GNA14: variants seen among roughly 807,000 people sequenced by gnomAD.
The protein encoded by GNA14 is G protein subunit alpha 14.
GNA14 carries 50 observed loss-of-function variants against 42.0 expected under a neutral mutation model. The observed-to-expected ratio is 1.19, with a 90% confidence interval of 0.95 to 1.51. The LOEUF is 1.51. Among genes scored for constraint, GNA14 ranks in the 40% most tolerant of loss-of-function variants. The pLI is 0.00. For synonymous variants in GNA14, 173 were observed against 163.1 expected (o/e 1.06, Z -0.46); for missense variants, 473 against 446.2 (o/e 1.06, Z -0.54).
Position 77,423,997 on chromosome 9 carries a change from C to A in GNA14, c.1050G>T (p.Arg350Ser). ...GCAGCTTTTAGACAAGGTTGAATTC[C>A]CTTAGGTTTAGCTGTAGAATTGTGT... ...VKDTILQLNL[R>S]EFNLV The change falls in exon 7 of 7, where the codon AGG becomes AGT. Residue 350 changes from arginine (R) to serine (S), a missense_variant. Coordinates refer to ENST00000341700, the MANE Select transcript of GNA14 (RefSeq NM_004297.4). The A allele has an allele frequency of 6.2e-7, 1 of 1,601,340 alleles. No individual in the cohort carries two copies. Among genetic ancestry groups the A allele is most frequent in the Non-Finnish European group, 8.5e-7 (1 of 1,172,832 alleles).
intron 1 of GNA14, chr9:77,580,640 C>G (rs547621378): frequency 7.5e-5 from 29 of 387,908 alleles, no homozygotes; most frequent in African/African-American, 5.8e-4. Context: ...CTCCTCTCAG[C>G]CAGGCACTCA....
chr9:77,505,133 C>T (rs1041797288), intron 2 of GNA14, among the ~76,000 whole-genome samples: 1 of 151,978 alleles, frequency 6.6e-6, no homozygotes, highest in Admixed American at 6.6e-5. Context: ...GTAAGTCTGG[C>T]CAAGGATACA....
chr9:77,558,929 C>CG (rs1822834006), intron 1 of GNA14, among the ~76,000 whole-genome samples: 1 of 144,846 alleles, frequency 6.9e-6, no homozygotes, highest in Admixed American at 6.9e-5. Flanking sequence ...AAACAAAAAA[C>CG]AAAAAAAAAA....
In GNA14 at chr9:77,518,305, T is replaced by G. The variant is rs575490673; in HGVS notation, c.309+10764A>C. Among the ~76,000 whole-genome samples the G allele has an allele frequency of 1.2e-4, 18 of 152,292 alleles. No homozygotes were observed. In the East Asian group the frequency reaches 3.3e-3, roughly 28 times the overall value. ...CTAACTTGACCTTTGGAAGAAAAAC[T>G]TTCTCATTTGGAGTAATTACTAACA... On this transcript the variant is annotated intron_variant, in intron 2 of 6. Transcript: ENST00000341700.
chr9:77,448,791 G>A (rs749344928), intron 2 of GNA14, among the ~76,000 whole-genome samples: 8 of 152,160 alleles, frequency 5.3e-5, no homozygotes, highest in South Asian at 2.1e-4. Context: ...CAAACTTCTA[G>A]TCTTTTTAAG....
chr9:77,460,585 C>T (rs569686329), intron 2 of GNA14, among the ~76,000 whole-genome samples: 4 of 152,156 alleles, frequency 2.6e-5, no homozygotes, highest in Non-Finnish European at 5.9e-5. Flanking sequence ...GCTGGGAGGG[C>T]GTCTGCAAGC....
intron 1 of GNA14, among the ~76,000 whole-genome samples, chr9:77,583,443 C>G (rs1823257522): frequency 6.6e-6 from 1 of 152,210 alleles, no homozygotes; most frequent in African/African-American, 2.4e-5. Flanking sequence ...AAGGATTTCT[C>G]TGGAAGTTCA....
chr9:77,589,221 C>A (rs1039169907), intron 1 of GNA14, among the ~76,000 whole-genome samples: 2 of 152,178 alleles, frequency 1.3e-5, no homozygotes, highest in Admixed American at 1.3e-4. Flanking sequence ...GAAATAAATG[C>A]TCACTTGCAG....
chr9:77,632,746 C>A (rs1342247199), intron 1 of GNA14, among the ~76,000 whole-genome samples: 1 of 152,170 alleles, frequency 6.6e-6, no homozygotes, highest in African/African-American at 2.4e-5. Flanking sequence ...TTTGCTGGCA[C>A]CTGGAGCTGC....
Position 77,608,502 on chromosome 9 carries a change from T to C in GNA14, c.124+39168A>G, listed in dbSNP as rs146654012. 3.3e-3 allele frequency among the ~76,000 whole-genome samples: 508 copies of C among 152,216 alleles called. 4 individuals are homozygous for C. The highest frequency in any genetic ancestry group is 0.012 in the African/African-American group (490 of 41,532). ...CCCCATGTGATTCTCTAAGGGAGAA[T>C]GAAGTCATGGGCAGAGGCATCCTGG... is the stretch of plus-strand genomic sequence containing the variant. On this transcript the variant is annotated intron_variant, in intron 1 of 6. Coordinates refer to ENST00000341700, the MANE Select transcript of GNA14 (RefSeq NM_004297.4).
chr9:77,442,684 G>A (rs983474110), intron 2 of GNA14, among the ~76,000 whole-genome samples: 7 of 152,184 alleles, frequency 4.6e-5, no homozygotes, highest in Middle Eastern at 3.2e-3. Flanking sequence ...GACAATCTCA[G>A]ATATCAAGTA....
At chr9:77,445,019 G>A (rs1453404177) in intron 2 of GNA14, among the ~76,000 whole-genome samples, 1 of 152,186 alleles carries the variant, frequency 6.6e-6, no homozygotes, top group Admixed American at 6.5e-5. Context: ...AATGACAACA[G>A]AGCCCCACAC....
chr9:77,477,577 C>T (rs1587786570), intron 2 of GNA14, among the ~76,000 whole-genome samples: 1 of 152,164 alleles, frequency 6.6e-6, no homozygotes, highest in Admixed American at 6.5e-5. Context: ...TAGCACAGAA[C>T]TTCCTATCCT....
At chr9:77,608,413 A>C (rs1823672551) in intron 1 of GNA14, among the ~76,000 whole-genome samples, 1 of 152,116 alleles carries the variant, frequency 6.6e-6, no homozygotes, top group Non-Finnish European at 1.5e-5. Context: ...GAGACTTTGG[A>C]GTTAAATCTG....
intron 1 of GNA14, among the ~76,000 whole-genome samples, chr9:77,629,192 C>A (rs949358439): frequency 2.6e-5 from 4 of 152,148 alleles, no homozygotes; most frequent in Non-Finnish European, 5.9e-5. Context: ...CCCTCTCACG[C>A]CAGTTAGAAT....
chr9:77,550,447 T>C (rs1274087806), intron 1 of GNA14, among the ~76,000 whole-genome samples: 1 of 152,180 alleles, frequency 6.6e-6, no homozygotes, highest in Non-Finnish European at 1.5e-5. Flanking sequence ...GGTGCTAAGA[T>C]TCCTCTGAGT....
chr9:77,577,941 C>T (rs1055709272), intron 1 of GNA14, among the ~76,000 whole-genome samples: 1 of 152,074 alleles, frequency 6.6e-6, no homozygotes, highest in African/African-American at 2.4e-5. Context: ...GGTCAAGGGT[C>T]GTGGAGTGAA....
intron 1 of GNA14, among the ~76,000 whole-genome samples, chr9:77,588,248 C>A (rs1353577584): frequency 6.6e-6 from 1 of 152,200 alleles, no homozygotes; most frequent in African/African-American, 2.4e-5. Flanking sequence ...GGGGCTATCA[C>A]TCCATCCACC....
At chr9:77,546,457 A>T (rs1429705470) in intron 1 of GNA14, among the ~76,000 whole-genome samples, 1 of 151,964 alleles carries the variant, frequency 6.6e-6, no homozygotes, top group East Asian at 1.9e-4. Context: ...GAAAGAGAAA[A>T]ATTTCTTTTC....
Sources: allele counts gnomAD v4.1 joint callset (sites outside exome capture counted in the v4.1 genomes callset), GRCh38; gene constraint gnomAD v4.1.1; transcripts MANE v1.5; gene names NCBI Gene and HGNC (gene_info 2026-07-23, HGNC 2026-07-21).